Variants in FARSB observed in about 807,000 individuals in gnomAD.
FARSB encodes phenylalanyl-tRNA synthetase subunit beta, also known as phenylalanine--tRNA ligase beta subunit.
A neutral mutation model predicts 69.6 loss-of-function variants in FARSB; 40 were observed. The ratio of observed to expected loss-of-function variants is 0.57; its 90% CI spans 0.45 to 0.75. The LOEUF (loss-of-function observed/expected upper bound fraction) is 0.75, where lower values mean the gene tolerates loss of function less well. FARSB is among the 30% of genes least tolerant of loss of function. The pLI, the probability that FARSB is intolerant of heterozygous loss-of-function variation, is 0.00. For synonymous variants in FARSB, 235 were observed against 247.2 expected (o/e 0.95, Z 0.46); for missense variants, 632 against 722.9 (o/e 0.87, Z 1.44).
intron 13 of FARSB, among the ~76,000 whole-genome samples, chr2:222,622,318 TA>T (rs1208593129): frequency 6.6e-6 from 1 of 152,066 alleles, no homozygotes; most frequent in Non-Finnish European, 1.5e-5. Context: ...ATAAAAAGGA[TA>T]AAGTAATAAG....
intron 5 of FARSB, among the ~76,000 whole-genome samples, chr2:222,636,995 T>C (rs1290314435): frequency 6.6e-6 from 1 of 152,148 alleles, no homozygotes; most frequent in Non-Finnish European, 1.5e-5. Context: ...TCAAGAATTA[T>C]GGAAGAACAT....
At chr2:222,637,473 G>A (rs1279814312) in intron 5 of FARSB, among the ~76,000 whole-genome samples, 1 of 152,156 alleles carries the variant, frequency 6.6e-6, no homozygotes, top group East Asian at 1.9e-4. Context: ...ACATGCAGCT[G>A]AGAAAACTAC....
chr2:222,599,573 C>T (rs545165138), intron 16 of FARSB, among the ~76,000 whole-genome samples: 40 of 152,140 alleles, frequency 2.6e-4, no homozygotes, highest in African/African-American at 9.6e-4. Context: ...GAGTGCAAAC[C>T]ATCACTTTAG....
intron 16 of FARSB, among the ~76,000 whole-genome samples, chr2:222,592,206 C>T (rs935601743): frequency 2.6e-5 from 4 of 152,062 alleles, no homozygotes; most frequent in African/African-American, 9.7e-5. Flanking sequence ...GGAAAAAGGC[C>T]TTTATTTTTT....
intron 14 of FARSB, among the ~76,000 whole-genome samples, chr2:222,616,694 T>C (rs536393452): frequency 2.0e-5 from 3 of 152,290 alleles, no homozygotes; most frequent in African/African-American, 7.2e-5. Context: ...AAATTTTACA[T>C]ATTTTAGCCA....
intron 2 of FARSB, among the ~76,000 whole-genome samples, chr2:222,645,559 C>T (rs1691828994): frequency 6.7e-6 from 1 of 149,910 alleles, no homozygotes; most frequent in Non-Finnish European, 1.5e-5. Flanking sequence ...AGATAGAAGG[C>T]TTAGGAAAAA....
At chr2:222,618,958 T>A (rs1161786016) in intron 14 of FARSB, among the ~76,000 whole-genome samples, 1 of 152,074 alleles carries the variant, frequency 6.6e-6, no homozygotes, top group Non-Finnish European at 1.5e-5. Flanking sequence ...CTCGCCAACA[T>A]GGTGAAACCC....
intron 9 of FARSB, 146 bp from the exon 10 acceptor site, chr2:222,629,034 G>C: frequency 1.6e-6 from 1 of 626,234 alleles, no homozygotes; most frequent in South Asian, 2.0e-5. Flanking sequence ...TGTTTGGATT[G>C]ATCTTGCTAT....
chr2:222,649,214 G>A (rs987937740), intron 1 of FARSB, among the ~76,000 whole-genome samples: 4 of 129,790 alleles, frequency 3.1e-5, no homozygotes, highest in African/African-American at 8.8e-5. Flanking sequence ...TGACAAGAGC[G>A]AGACTCCGTC....
intron 5 of FARSB, among the ~76,000 whole-genome samples, chr2:222,638,332 C>T (rs1045348801): frequency 9.2e-5 from 14 of 152,046 alleles, no homozygotes. Context: ...TAAAACAGAG[C>T]TTAAAGTTAA....
chr2:222,589,010 C>T (rs1034603074), intron 16 of FARSB, among the ~76,000 whole-genome samples: 1 of 152,156 alleles, frequency 6.6e-6, no homozygotes, highest in African/African-American at 2.4e-5. Context: ...GAAAAAACTA[C>T]TTTAAAGTTC....
chr2:222,633,354 C>G, intron 6 of FARSB, 47 bp from the exon 7 acceptor site: 1 of 922,488 alleles, frequency 1.1e-6, no homozygotes, highest in Non-Finnish European at 1.7e-6. Context: ...TTTTTAATTT[C>G]TATCACTATA....
intron 5 of FARSB, among the ~76,000 whole-genome samples, chr2:222,638,184 G>C (rs1187058946): frequency 6.6e-6 from 1 of 152,264 alleles, no homozygotes; most frequent in East Asian, 1.9e-4. Context: ...TATATCCCTT[G>C]AAATACGTAA....
chr2:222,591,912 T>C (rs1192608063), intron 16 of FARSB, among the ~76,000 whole-genome samples: 1 of 152,158 alleles, frequency 6.6e-6, no homozygotes. Flanking sequence ...GCCATCTAAA[T>C]GTGTTCAAAA....
At position 222,624,873 on chromosome 2, in the gene FARSB, A is replaced by G. The variant is rs1393135874; in HGVS notation, c.901-98T>C. ...TTATTGCAGTTCTATTACGTTCCCAAGAAATTGTCATTAGAGCCACACATT... is the reference window on the plus strand; with the variant it reads ...TTATTGCAGTTCTATTACGTTCCCAGGAAATTGTCATTAGAGCCACACATT... On this transcript the variant is annotated intron_variant, in intron 10 of 16. Transcript: ENST00000281828. The G allele has an allele frequency of 3.8e-5, 26 of 686,614 alleles. No homozygotes were observed. In the South Asian group the frequency reaches 5.0e-4, roughly 13 times the overall value. The allele number at this position is 686,614 out of a possible 1,614,324, so 42.5% of individuals were successfully genotyped here.
chr2:222,590,479 C>T (rs1385750598), intron 16 of FARSB, among the ~76,000 whole-genome samples: 1 of 136,808 alleles, frequency 7.3e-6, no homozygotes, highest in East Asian at 2.2e-4. Flanking sequence ...CAAACCTGCA[C>T]ATTGTGCATA....
At chr2:222,575,851 T>A (rs1689826630) in intron 16 of FARSB, among the ~76,000 whole-genome samples, 1 of 152,250 alleles carries the variant, frequency 6.6e-6, no homozygotes, top group African/African-American at 2.4e-5. Flanking sequence ...GGGTAATTCC[T>A]GGGCCTGTAA....
chr2:222,636,331 C>T (rs188702372), intron 5 of FARSB, among the ~76,000 whole-genome samples: 44 of 143,494 alleles, frequency 3.1e-4, no homozygotes, highest in Admixed American at 2.9e-3. Flanking sequence ...GGCATGAACC[C>T]AGGAGGCAGA....
intron 16 of FARSB, among the ~76,000 whole-genome samples, chr2:222,580,135 A>G (rs1446287333): frequency 6.6e-6 from 1 of 151,572 alleles, no homozygotes; most frequent in Non-Finnish European, 1.5e-5. Context: ...TACATAATAA[A>G]TATTATATAT....
Sources: allele counts gnomAD v4.1 joint callset (sites outside exome capture counted in the v4.1 genomes callset), GRCh38; gene constraint gnomAD v4.1.1; transcripts MANE v1.5; gene names NCBI Gene and HGNC (gene_info 2026-07-23, HGNC 2026-07-21).